Variants in DENND5A observed in about 807,000 individuals in gnomAD.
The protein encoded by DENND5A is DENN domain-containing protein 5A.
In DENND5A, 64 loss-of-function variants were observed where a neutral mutation model predicts 140.3. The ratio of observed to expected loss-of-function variants is 0.46; its 90% confidence interval spans 0.37 to 0.56. DENND5A has a LOEUF of 0.56. DENND5A is among the 20% of genes least tolerant of loss of function. The probability of loss-of-function intolerance (pLI) is 0.00; values close to 1 mark genes in which losing one functional copy is unlikely to be tolerated. For missense variants in DENND5A, 1,292 were observed against 1,593.8 expected (o/e 0.81, Z 3.22); for synonymous variants, 605 against 607.7 (o/e 1.00, Z 0.07).
intron 11 of DENND5A, among the ~76,000 whole-genome samples, chr11:9,162,417 T>G (rs939793546): frequency 6.6e-6 from 1 of 151,614 alleles, no homozygotes; most frequent in African/African-American, 2.4e-5. Flanking sequence ...TTTTGTATTT[T>G]TAGTAGAGAT....
At chr11:9,165,697 G>T in intron 11 of DENND5A, 139 bp downstream of exon 11, 1 of 1,012,206 alleles carries the variant, frequency 9.9e-7, no homozygotes, top group Non-Finnish European at 1.5e-6. Context: ...GTCTCCCAAA[G>T]TGTTGGGATT....
At chr11:9,252,476 G>A (rs931178775) in intron 1 of DENND5A, among the ~76,000 whole-genome samples, 5 of 151,640 alleles carry the variant, frequency 3.3e-5, no homozygotes, top group Non-Finnish European at 2.9e-5. Context: ...TGACGAAAGC[G>A]TCTTTACCAA....
intron 1 of DENND5A, among the ~76,000 whole-genome samples, chr11:9,208,752 T>C (rs780384049): frequency 7.2e-5 from 11 of 152,256 alleles, no homozygotes; most frequent in Non-Finnish European, 1.5e-4. Context: ...CTGATCCTTC[T>C]TCCAAACAAA....
chr11:9,160,594 C>G, intron 12 of DENND5A, 119 bp downstream of exon 12: 1 of 764,752 alleles, frequency 1.3e-6, no homozygotes, highest in Non-Finnish European at 2.1e-6. Flanking sequence ...AAATCTCACT[C>G]CAGGGCACTG....
At chr11:9,157,692 T>C (rs572096624) in intron 12 of DENND5A, among the ~76,000 whole-genome samples, 1 of 152,234 alleles carries the variant, frequency 6.6e-6, no homozygotes. Context: ...TGTAGTGTTG[T>C]ATGGTGTGTA....
intron 1 of DENND5A, among the ~76,000 whole-genome samples, chr11:9,210,759 C>G (rs1172001662): frequency 6.6e-6 from 1 of 152,162 alleles, no homozygotes; most frequent in Non-Finnish European, 1.5e-5. Context: ...TCTCAAATTC[C>G]TGGGCTTACG....
At chr11:9,246,260 T>C (rs2136282111) in intron 1 of DENND5A, among the ~76,000 whole-genome samples, 1 of 152,290 alleles carries the variant, frequency 6.6e-6, no homozygotes, top group South Asian at 2.1e-4. Context: ...GTCCCTGAGC[T>C]GTCTTTCAGA....
At chr11:9,161,154 T>C (rs539720274) in intron 11 of DENND5A, among the ~76,000 whole-genome samples, 11 of 152,310 alleles carry the variant, frequency 7.2e-5, no homozygotes, top group African/African-American at 2.4e-4. Context: ...GAGACCATCC[T>C]GGCTAACACG....
At chr11:9,143,354 T>G in intron 20 of DENND5A, 49 bp downstream of exon 20, 1 of 1,501,056 alleles carries the variant, frequency 6.7e-7, no homozygotes, top group Non-Finnish European at 9.3e-7. Context: ...ACAAAATTAT[T>G]CTCTCTTATT....
At chr11:9,226,101 T>TATC (rs553150461) in intron 1 of DENND5A, among the ~76,000 whole-genome samples, 1 of 152,120 alleles carries the variant, frequency 6.6e-6, no homozygotes, top group Non-Finnish European at 1.5e-5. Context: ...TCATCATCAT[T>TATC]ATCATCATCA....
rs1034115210 is a variant in DENND5A at position 9,180,956 on chromosome 11, A to G, written c.1266T>C (p.Pro422=). 10 of 1,614,064 alleles carry G rather than the reference A, an allele frequency of 6.2e-6. No homozygotes were observed. In the African/African-American group the frequency reaches 1.3e-4, roughly 22 times the overall value. Residue 422 remains proline (P), a synonymous_variant, in exon 6 of 23, where the codon CCT becomes CCC. Coordinates refer to ENST00000328194, the MANE Select transcript of DENND5A (RefSeq NM_015213.4). The stretch of plus-strand genomic sequence containing the variant: ...TCTCACTGCAATGAAGATTCCCTTC[A>G]GGGGGAATTCCAAATGCCATGAGAA... ...SEILMAFGIP[P]EGNLHCSESA...
Position 9,142,773 on chromosome 11 carries a change from C to T in DENND5A, c.3460G>A (p.Gly1154Arg). 6.2e-7 allele frequency: 1 copy of T among 1,614,156 alleles called. No homozygotes were observed. The change falls in exon 21 of 23, where the codon GGA becomes AGA. Residue 1154 changes from glycine (G) to arginine (R), a missense_variant. Physicochemically the swap from Gly to Arg is moderately radical, Grantham distance 125. Coordinates refer to ENST00000328194, the MANE Select transcript of DENND5A (RefSeq NM_015213.4). ...TTGAAGAGCCGGGGCGATTTAAATCCATGCTGGAAAGCCTGTTCCAAGGCC... is the reference window on the plus strand; with the variant it reads ...TTGAAGAGCCGGGGCGATTTAAATCTATGCTGGAAAGCCTGTTCCAAGGCC... Reference protein sequence around the residue: ...VSALEQAFQHGFKSPRLFKNV... With the variant: ...VSALEQAFQHRFKSPRLFKNV...
chr11:9,206,372 C>T (rs186742885), intron 3 of DENND5A, among the ~76,000 whole-genome samples: 4 of 152,188 alleles, frequency 2.6e-5, no homozygotes, highest in Admixed American at 2.6e-4. Context: ...AAAATTGACT[C>T]ATCATATAAT....
chr11:9,240,806 G>T (rs1473376387), intron 1 of DENND5A, among the ~76,000 whole-genome samples: 1 of 152,100 alleles, frequency 6.6e-6, no homozygotes, highest in African/African-American at 2.4e-5. Flanking sequence ...ACCCTGATAG[G>T]GGTTATAGGT....
chr11:9,249,839 C>T (rs1851643216), intron 1 of DENND5A, among the ~76,000 whole-genome samples: 1 of 151,986 alleles, frequency 6.6e-6, no homozygotes, highest in African/African-American at 2.4e-5. Context: ...CATGAGCCAC[C>T]GTGCCCGGCC....
intron 22 of DENND5A, chr11:9,140,315 G>C (rs1847195038): frequency 1.2e-6 from 1 of 835,406 alleles, no homozygotes. Context: ...GTAGATGGAA[G>C]TTAAGTAGCT....
chr11:9,220,662 G>A (rs1330107242), intron 1 of DENND5A, among the ~76,000 whole-genome samples: 1 of 152,026 alleles, frequency 6.6e-6, no homozygotes, highest in Non-Finnish European at 1.5e-5. Flanking sequence ...GGAGGCTGAG[G>A]GGGTTAGATT....
Position 9,203,979 on chromosome 11 carries a change from G to A in DENND5A, c.630C>T (p.Ile210=). Residue 210 remains isoleucine (I), a synonymous_variant, in exon 4 of 23, where the codon ATC becomes ATT. Coordinates refer to ENST00000328194, the MANE Select transcript of DENND5A (RefSeq NM_015213.4). ...ATGCCTTCATGAAAGACATGGGTGT[G>A]ATGAGGCAGATGCACTTAGAGACGT... ...TLYVSKCICL[I]TPMSFMKACR... The A allele has an allele frequency of 6.2e-7, 1 of 1,614,170 alleles. No individual in the cohort carries two copies. Among genetic ancestry groups the A allele is most frequent in the East Asian group, 2.2e-5 (1 of 44,886 alleles).
At chr11:9,155,005 C>T (rs1847757136) in intron 12 of DENND5A, among the ~76,000 whole-genome samples, 1 of 151,868 alleles carries the variant, frequency 6.6e-6, no homozygotes, top group Non-Finnish European at 1.5e-5. Context: ...AAAAATTAGG[C>T]GCGCATGGTG....
Sources: allele counts gnomAD v4.1 joint callset (sites outside exome capture counted in the v4.1 genomes callset), GRCh38; gene constraint gnomAD v4.1.1; transcripts MANE v1.5; gene names NCBI Gene and HGNC (gene_info 2026-07-23, HGNC 2026-07-21).